APP: variants seen among roughly 807,000 people sequenced by gnomAD.
APP encodes amyloid-beta precursor protein.
Under a neutral mutation model 101.4 loss-of-function variants are expected in APP, and 31 were observed. The observed-to-expected ratio is 0.31, with a 90% CI of 0.23 to 0.41. The LOEUF (loss-of-function observed/expected upper bound fraction) is 0.41. APP is among the 10% of genes least tolerant of loss of function. APP has a pLI of 1.00. For missense variants in APP, 839 were observed against 1,003.7 expected (o/e 0.84, Z 2.22); for synonymous variants, 366 against 364.4 (o/e 1.00, Z -0.05).
At chr21:26,149,147 C>A (rs978992333) in intron 1 of APP, among the ~76,000 whole-genome samples, 1 of 152,220 alleles carries the variant, frequency 6.6e-6, no homozygotes, top group African/African-American at 2.4e-5. Flanking sequence ...CAATCAATTG[C>A]ATTCCAAGGC....
chr21:25,930,878 G>A (rs2040117661), intron 13 of APP, among the ~76,000 whole-genome samples: 1 of 152,138 alleles, frequency 6.6e-6, no homozygotes, highest in Non-Finnish European at 1.5e-5. Flanking sequence ...AACCAAGCCT[G>A]GCAACAGAAA....
chr21:25,909,163 T>C (rs1209831240), intron 14 of APP, among the ~76,000 whole-genome samples: 2 of 148,138 alleles, frequency 1.4e-5, no homozygotes, highest in African/African-American at 5.0e-5. Flanking sequence ...CTCGGGAGGC[T>C]GAAGCAAGAA....
intron 3 of APP, among the ~76,000 whole-genome samples, chr21:26,054,306 C>A (rs1311920424): frequency 6.6e-6 from 1 of 152,190 alleles, no homozygotes; most frequent in African/African-American, 2.4e-5. Context: ...TAAGGATAGA[C>A]TCTGTCTTGC....
intron 1 of APP, among the ~76,000 whole-genome samples, chr21:26,130,678 C>T (rs1363756369): frequency 6.6e-6 from 1 of 152,228 alleles, no homozygotes; most frequent in Non-Finnish European, 1.5e-5. Context: ...AACCATTTGG[C>T]TAAGCTTACG....
intron 1 of APP, among the ~76,000 whole-genome samples, chr21:26,127,121 A>C (rs1367560190): frequency 1.3e-5 from 2 of 152,134 alleles, no homozygotes; most frequent in African/African-American, 4.8e-5. Context: ...ATTTTATTGT[A>C]TTAACTCCCT....
chr21:25,900,474 C>A (rs892643917), intron 15 of APP, among the ~76,000 whole-genome samples: 1 of 150,136 alleles, frequency 6.7e-6, no homozygotes, highest in Non-Finnish European at 1.5e-5. Context: ...GCATAAGAAT[C>A]GCTTGAACCC....
chr21:26,129,210 C>T (rs960573883), intron 1 of APP, among the ~76,000 whole-genome samples: 3 of 152,110 alleles, frequency 2.0e-5, no homozygotes, highest in Admixed American at 6.6e-5. Flanking sequence ...CCATGGCTCA[C>T]GCCTGTAATC....
rs573994501 is a variant in APP at position 25,962,230 on chromosome 21, T to A, written c.1459-6475A>T. Among the ~76,000 whole-genome samples, 10 of 152,296 alleles carry A rather than the reference T, an allele frequency of 6.6e-5. No individual in the cohort carries two copies. In the South Asian group the frequency reaches 2.1e-3, roughly 32 times the overall value. ...CACAATCACACTGCCTTTTAAAAAA[T>A]CATTCAAAATAATTTATTAAAGGAT... On this transcript the variant is annotated intron_variant, in intron 11 of 17. Transcript: ENST00000346798.
At chr21:25,964,375 T>G (rs550859107) in intron 11 of APP, among the ~76,000 whole-genome samples, 2 of 152,322 alleles carry the variant, frequency 1.3e-5, no homozygotes, top group South Asian at 4.1e-4. Flanking sequence ...TCCTTTTGAT[T>G]TTCTAATTAT....
chr21:25,985,832 A>G (rs185864601), intron 8 of APP, among the ~76,000 whole-genome samples: 11 of 152,116 alleles, frequency 7.2e-5, no homozygotes, highest in Admixed American at 3.9e-4. Context: ...CATTCATACA[A>G]ACTCCCCATC....
At chr21:25,990,100 TAAC>T (rs1156240763) in intron 8 of APP, among the ~76,000 whole-genome samples, 4 of 135,082 alleles carry the variant, frequency 3.0e-5, no homozygotes, top group Admixed American at 2.9e-4. Context: ...AAAAACAAAA[TAAC>T]AACAAAAGAA....
At chr21:26,063,077 C>T (rs1446952963) in intron 3 of APP, among the ~76,000 whole-genome samples, 2 of 152,124 alleles carry the variant, frequency 1.3e-5, no homozygotes, top group African/African-American at 4.8e-5. Flanking sequence ...GTTAACAATT[C>T]TGATACGGCT....
At chr21:25,990,972 C>G (rs566460752) in intron 8 of APP, among the ~76,000 whole-genome samples, 5 of 152,090 alleles carry the variant, frequency 3.3e-5, no homozygotes, top group African/African-American at 1.2e-4. Flanking sequence ...ATATATACCA[C>G]GGAATACTAG....
At position 26,000,074 on chromosome 21, in the gene APP, C is replaced by A. The variant is rs967346296; in HGVS notation, c.974G>T (p.Gly325Val). ...KCAPFFYGGC[G>V]GNRNNFDTEE... ...TGTGTCAAAGTTGTTCCGGTTGCCG[C>A]CACATCCGCCGTAAAAGAATGGGGC... Residue 325 changes from glycine to valine, a missense_variant, in exon 7 of 18, where the codon GGC becomes GTC. By Grantham distance (109) the Gly-to-Val change is moderately radical. Coordinates refer to ENST00000346798, the MANE Select transcript of APP (RefSeq NM_000484.4). The A allele has an allele frequency of 6.2e-7, 1 of 1,614,142 alleles. No homozygotes were observed. The highest frequency in any genetic ancestry group is 1.7e-5 in the Admixed American group (1 of 60,032).
At chr21:26,167,187 T>G (rs1421701963) in intron 1 of APP, among the ~76,000 whole-genome samples, 1 of 152,214 alleles carries the variant, frequency 6.6e-6, no homozygotes, top group East Asian at 1.9e-4. Flanking sequence ...TTTTGGTATT[T>G]TAGTACATTC....
At chr21:25,897,960 C>T in intron 15 of APP, 1 of 439,900 alleles carries the variant, frequency 2.3e-6, no homozygotes, top group Non-Finnish European at 4.1e-6. Flanking sequence ...GAAGTTAAAT[C>T]CTGGTTGAGA....
intron 1 of APP, among the ~76,000 whole-genome samples, chr21:26,137,289 A>G (rs1178178873): frequency 6.6e-6 from 1 of 152,178 alleles, no homozygotes. Context: ...CCAGTATTTG[A>G]GAGAAGGTTA....
chr21:26,017,120 A>C (rs1157885824), intron 6 of APP, among the ~76,000 whole-genome samples: 5 of 142,222 alleles, frequency 3.5e-5, no homozygotes, highest in African/African-American at 1.3e-4. Context: ...AATGGTGTGA[A>C]CCCGGGAGGC....
chr21:26,067,346 T>C (rs945356971), intron 3 of APP, among the ~76,000 whole-genome samples: 2 of 152,238 alleles, frequency 1.3e-5, no homozygotes, highest in Non-Finnish European at 2.9e-5. Context: ...AGGTTTCAAA[T>C]ATTCAATGGC....
Sources: gnomAD v4.1 joint callset for allele counts (sites outside exome capture counted in the v4.1 genomes callset) on GRCh38, gnomAD v4.1.1 for gene constraint, MANE v1.5 for transcripts, NCBI Gene and HGNC (gene_info 2026-07-23, HGNC 2026-07-21) for gene names.